The following DACH1 variants were observed in gnomAD, a reference collection of about 807,000 sequenced individuals.
DACH1 encodes the protein dachshund family transcription factor 1.
A neutral mutation model predicts 54.2 loss-of-function variants in DACH1; 12 were observed. That is an observed-to-expected ratio of 0.22 (90% CI 0.14 to 0.36). The LOEUF (loss-of-function observed/expected upper bound fraction) is 0.36. DACH1 is among the 10% of genes least tolerant of loss of function. The pLI is 1.00. For synonymous variants in DACH1, 386 were observed against 366.2 expected, an observed-to-expected ratio of 1.05 and a Z score of -0.62; for missense variants, 805 against 929.8, an observed-to-expected ratio of 0.87 and a Z score of 1.75.
At chr13:71,634,655 C>T (rs1039159212) in intron 2 of DACH1, among the ~76,000 whole-genome samples, 1 of 152,156 alleles carries the variant, frequency 6.6e-6, no homozygotes, top group Non-Finnish European at 1.5e-5. Context: ...CAAGAATTAG[C>T]TCATGGCTTA....
intron 1 of DACH1, among the ~76,000 whole-genome samples, chr13:71,708,841 A>G (rs1196908898): frequency 7.2e-6 from 1 of 139,458 alleles, no homozygotes; most frequent in African/African-American, 2.6e-5. Context: ...AGGGTTTCCA[A>G]GTTTTTTGTT....
intron 1 of DACH1, among the ~76,000 whole-genome samples, chr13:71,839,403 C>T (rs1016729982): frequency 4.6e-5 from 7 of 152,022 alleles, no homozygotes; most frequent in Admixed American, 1.3e-4. Flanking sequence ...GTCAGGAGAT[C>T]AAGATCATCC....
At chr13:71,719,389 T>C (rs923378832) in intron 1 of DACH1, among the ~76,000 whole-genome samples, 7 of 152,272 alleles carry the variant, frequency 4.6e-5, no homozygotes, top group Middle Eastern at 3.4e-3. Flanking sequence ...GCCTCTTCTT[T>C]TGGTCTTTCA....
At chr13:71,634,447 A>G (rs1877326130) in intron 2 of DACH1, among the ~76,000 whole-genome samples, 2 of 151,814 alleles carry the variant, frequency 1.3e-5, no homozygotes, top group South Asian at 4.2e-4. Flanking sequence ...TTTCCTTTTC[A>G]CTAGCAAACG....
chr13:71,690,986 T>A (rs1015616888), intron 1 of DACH1, among the ~76,000 whole-genome samples: 14 of 152,212 alleles, frequency 9.2e-5, no homozygotes, highest in African/African-American at 3.1e-4. Flanking sequence ...CAAATAAAAA[T>A]GTTTTCCTTT....
intron 6 of DACH1, among the ~76,000 whole-genome samples, chr13:71,507,928 T>C (rs912421637): frequency 6.6e-6 from 1 of 152,208 alleles, no homozygotes; most frequent in Non-Finnish European, 1.5e-5. Context: ...AAAAATTCTA[T>C]AAATGTTTAC....
At chr13:71,593,034 T>G (rs1873847281) in intron 3 of DACH1, among the ~76,000 whole-genome samples, 1 of 152,116 alleles carries the variant, frequency 6.6e-6, no homozygotes, top group Admixed American at 6.6e-5. Context: ...ATAAAAGTAG[T>G]GCATAAGAGC....
At position 71,824,273 on chromosome 13, in the gene DACH1, G is replaced by A. The variant is rs180858610; in HGVS notation, c.848+41649C>T. 6.3e-4 allele frequency among the ~76,000 whole-genome samples: 95 copies of A among 151,540 alleles called. 1 individual carries two copies. The highest frequency in any genetic ancestry group is 8.3e-4 in the South Asian group (4 of 4,794). On this transcript the variant is annotated intron_variant, in intron 1 of 10. Coordinates refer to ENST00000613252, the MANE Select transcript of DACH1 (RefSeq NM_080759.6). ...ATTATTTAAAAGATGAGTCAGGAGG[G>A]ACTCAGTTATATTCAACATCAAATA...
intron 1 of DACH1, among the ~76,000 whole-genome samples, chr13:71,747,942 G>C (rs1884671783): frequency 6.6e-6 from 1 of 152,154 alleles, no homozygotes; most frequent in Non-Finnish European, 1.5e-5. Flanking sequence ...TGCCCAGTTT[G>C]TGCATGAACT....
At position 71,833,397 on chromosome 13, in the gene DACH1, C is replaced by T. The variant is rs915780213; in HGVS notation, c.848+32525G>A. Among the ~76,000 whole-genome samples the T allele has an allele frequency of 7.2e-5, 11 of 151,900 alleles. No individual in the cohort carries two copies. In the East Asian group the frequency reaches 1.9e-3, roughly 27 times the overall value. ...AAACTAAATTTTGTTTGAAAGCATC[C>T]GTTAACCTAATTTGTACACATTACT... On this transcript the variant is annotated intron_variant, in intron 1 of 10. Transcript: ENST00000613252.
At chr13:71,813,511 A>C (rs1406123430) in intron 1 of DACH1, among the ~76,000 whole-genome samples, 1 of 152,134 alleles carries the variant, frequency 6.6e-6, no homozygotes, top group East Asian at 1.9e-4. Flanking sequence ...ATTTCCACTA[A>C]TGAGGTTGCC....
At chr13:71,535,167 G>A (rs1196500972) in intron 6 of DACH1, among the ~76,000 whole-genome samples, 1 of 151,596 alleles carries the variant, frequency 6.6e-6, no homozygotes, top group Non-Finnish European at 1.5e-5. Flanking sequence ...ACCATTATCA[G>A]TATATTAACA....
intron 1 of DACH1, among the ~76,000 whole-genome samples, chr13:71,858,976 T>A (rs1277835105): frequency 1.3e-5 from 2 of 151,646 alleles, no homozygotes; most frequent in Non-Finnish European, 3.0e-5. Context: ...AAAACTTTTT[T>A]AAAAAGTAAC....
chr13:71,534,305 A>C (rs1882610603), intron 6 of DACH1, among the ~76,000 whole-genome samples: 1 of 152,056 alleles, frequency 6.6e-6, no homozygotes, highest in African/African-American at 2.4e-5. Context: ...AAATTCAAAA[A>C]TCAATAGCAA....
chr13:71,621,891 A>G (rs922367207), intron 3 of DACH1, among the ~76,000 whole-genome samples: 1 of 152,060 alleles, frequency 6.6e-6, no homozygotes, highest in Non-Finnish European at 1.5e-5. Flanking sequence ...CCTAATCATT[A>G]TCAAACTGGT....
intron 1 of DACH1, among the ~76,000 whole-genome samples, chr13:71,748,383 T>G (rs777045788): frequency 6.6e-6 from 1 of 152,282 alleles, no homozygotes; most frequent in African/African-American, 2.4e-5. Flanking sequence ...ATCTTAGAGA[T>G]AAAAAAGTGC....
chr13:71,479,708 C>A (rs1439609023), intron 7 of DACH1, among the ~76,000 whole-genome samples: 4 of 152,130 alleles, frequency 2.6e-5, no homozygotes, highest in Non-Finnish European at 4.4e-5. Flanking sequence ...GTTTATGCAA[C>A]CTTCCAGGAT....
chr13:71,566,272 G>A (rs1884889035), intron 4 of DACH1, among the ~76,000 whole-genome samples: 1 of 152,118 alleles, frequency 6.6e-6, no homozygotes, highest in South Asian at 2.1e-4. Context: ...ACCTCTGGAG[G>A]CTTGGTACAA....
intron 1 of DACH1, among the ~76,000 whole-genome samples, chr13:71,783,276 G>A (rs763226393): frequency 6.6e-6 from 1 of 151,994 alleles, no homozygotes; most frequent in Non-Finnish European, 1.5e-5. Flanking sequence ...AACAAAATAC[G>A]GTGAAAACTG....
Sources: gnomAD v4.1 joint callset for allele counts (sites outside exome capture counted in the v4.1 genomes callset) on GRCh38, gnomAD v4.1.1 for gene constraint, MANE v1.5 for transcripts, NCBI Gene and HGNC (gene_info 2026-07-23, HGNC 2026-07-21) for gene names.